ETFA: variants seen among roughly 807,000 people sequenced by gnomAD.
ETFA encodes the protein electron transfer flavoprotein subunit alpha.
ETFA carries 22 observed loss-of-function variants against 46.2 expected under a neutral mutation model. The ratio of observed to expected loss-of-function variants is 0.48; its 90% confidence interval spans 0.34 to 0.68. The LOEUF (loss-of-function observed/expected upper bound fraction) is 0.68, where lower values mean the gene tolerates loss of function less well. ETFA is among the 30% of genes least tolerant of loss of function. The probability of loss-of-function intolerance (pLI) is 0.01; values close to 1 mark genes in which losing one functional copy is unlikely to be tolerated. For missense variants in ETFA, 345 were observed against 401.1 expected, an observed-to-expected ratio of 0.86 and a Z score of 1.19; for synonymous variants, 131 against 139.9, an observed-to-expected ratio of 0.94 and a Z score of 0.45.
intron 9 of ETFA, chr15:76,274,115 T>C: frequency 2.7e-6 from 1 of 367,858 alleles, no homozygotes; most frequent in Non-Finnish European, 5.1e-6. Context: ...AACTTATAAA[T>C]CTGAGTTGAT....
At chr15:76,238,317 A>T (rs2039148544) in intron 9 of ETFA, among the ~76,000 whole-genome samples, 1 of 152,222 alleles carries the variant, frequency 6.6e-6, no homozygotes. Context: ...CTCTTAAAAA[A>T]TCAAGTTTTA....
chr15:76,311,264 G>A (rs1019910453), intron 1 of ETFA, 86 bp downstream of exon 1: 4 of 1,455,562 alleles, frequency 2.7e-6, no homozygotes, highest in Non-Finnish European at 2.8e-6. Flanking sequence ...CGAATCTGAG[G>A]GGGCCAGTGA....
chr15:76,308,304 C>T (rs917430410), intron 1 of ETFA, among the ~76,000 whole-genome samples: 2 of 152,150 alleles, frequency 1.3e-5, no homozygotes, highest in Non-Finnish European at 1.5e-5. Context: ...CACATAGTCT[C>T]AATGAATCGC....
In ETFA at chr15:76,311,413, G is replaced by T. The variant is rs374761612; in HGVS notation, c.-25C>A. The T allele has an allele frequency of 2.6e-6, 4 of 1,553,556 alleles. No individual in the cohort carries two copies. The East Asian group carries it at 7.2e-5, about 28-fold the overall frequency. ...TGGTCTCCGCTTCCGCCGCAACCTCGGCCTTACAGCAGCCCCGTGCCCGGC... is the reference window on the plus strand; with the variant it reads ...TGGTCTCCGCTTCCGCCGCAACCTCTGCCTTACAGCAGCCCCGTGCCCGGC... On this transcript the variant is annotated 5_prime_UTR_variant, in exon 1 of 12. Transcript: ENST00000557943.
intron 8 of ETFA, among the ~76,000 whole-genome samples, chr15:76,278,178 C>T (rs1197733660): frequency 1.3e-5 from 2 of 152,140 alleles, no homozygotes; most frequent in Non-Finnish European, 2.9e-5. Flanking sequence ...AGTGAGCTTG[C>T]CCACCACCCT....
intron 1 of ETFA, among the ~76,000 whole-genome samples, chr15:76,298,162 C>T (rs745836740): frequency 6.6e-6 from 1 of 152,044 alleles, no homozygotes; most frequent in Non-Finnish European, 1.5e-5. Context: ...CCTGCCTCAG[C>T]CTGCCAGGTA....
intron 9 of ETFA, among the ~76,000 whole-genome samples, chr15:76,235,526 T>C (rs1277358898): frequency 6.6e-6 from 1 of 152,238 alleles, no homozygotes; most frequent in Non-Finnish European, 1.5e-5. Flanking sequence ...ACTGTCTAAG[T>C]GTACCATAAT....
At chr15:76,247,675 T>C (rs1467570248) in intron 9 of ETFA, among the ~76,000 whole-genome samples, 2 of 152,230 alleles carry the variant, frequency 1.3e-5, no homozygotes, top group African/African-American at 4.8e-5. Context: ...TATTTTCTCA[T>C]TGCTTATTTA....
In ETFA at chr15:76,311,269, CA is replaced by C. The variant is rs3215142; in HGVS notation, c.39+80del. The stretch of plus-strand genomic sequence containing the variant: ...GAGGGCTGGTCGAATCTGAGGGGGC[CA>C]GTGATCTTTGCAAGACCCCATAGGG... On this transcript the variant is annotated intron_variant, in intron 1 of 11. Transcript: ENST00000557943. 0.25 allele frequency: 366,651 copies of C among 1,478,946 alleles called. 48,301 individuals carry two copies. Among genetic ancestry groups the C allele is most frequent in the East Asian group, 0.49 (19,873 of 40,444 alleles). The allele number at this position is 1,478,946 out of a possible 1,614,324, so 91.6% of individuals were successfully genotyped here. A position where few individuals can be genotyped will look rare whatever the true frequency, so the allele number is the denominator to read the frequency against.
At chr15:76,302,320 C>G (rs1358844913) in intron 1 of ETFA, among the ~76,000 whole-genome samples, 1 of 151,690 alleles carries the variant, frequency 6.6e-6, no homozygotes, top group Admixed American at 6.6e-5. Context: ...ACAATGGAAT[C>G]TTATTCAGCA....
At chr15:76,263,077 A>T (rs1229780160) in intron 9 of ETFA, among the ~76,000 whole-genome samples, 2 of 152,178 alleles carry the variant, frequency 1.3e-5, no homozygotes, top group Non-Finnish European at 2.9e-5. Flanking sequence ...TTCAAAGAAA[A>T]TGCTACACCA....
At chr15:76,275,831 C>A (rs2039585148) in intron 8 of ETFA, among the ~76,000 whole-genome samples, 1 of 152,198 alleles carries the variant, frequency 6.6e-6, no homozygotes, top group South Asian at 2.1e-4. Context: ...TAACACTTTA[C>A]TACTTCACAG....
intron 8 of ETFA, among the ~76,000 whole-genome samples, chr15:76,278,541 G>C (rs1346729315): frequency 6.6e-6 from 1 of 152,078 alleles, no homozygotes; most frequent in Non-Finnish European, 1.5e-5. Context: ...AGCATTACTG[G>C]AGAAAACATC....
intron 1 of ETFA, among the ~76,000 whole-genome samples, chr15:76,300,509 A>G (rs1299857180): frequency 2.6e-5 from 4 of 152,162 alleles, no homozygotes; most frequent in Non-Finnish European, 5.9e-5. Flanking sequence ...GTCAATGCCA[A>G]TATCCTAGTG....
chr15:76,223,659 C>A (rs1229935766), intron 11 of ETFA, among the ~76,000 whole-genome samples: 1 of 152,192 alleles, frequency 6.6e-6, no homozygotes, highest in Non-Finnish European at 1.5e-5. Flanking sequence ...CCAAAAGGAG[C>A]CTGAGAACCT....
intron 9 of ETFA, among the ~76,000 whole-genome samples, chr15:76,258,597 C>T (rs2469545): frequency 0.98 from 149,097 of 152,338 alleles, 73,043 homozygotes; most frequent in Middle Eastern, 1. Context: ...TGGAGGCAGC[C>T]CAATGCATGC....
rs187492019 is a variant in ETFA at position 76,220,784 on chromosome 15, T to C, written c.964-4187A>G. ...ATCAAAACCACAATGAGATACCACC[T>C]CACACTCATTAGAAGGGCTATATTT... On this transcript the variant is annotated intron_variant, in intron 11 of 11. Coordinates refer to ENST00000557943, the MANE Select transcript of ETFA (RefSeq NM_000126.4). 4.5e-4 allele frequency among the ~76,000 whole-genome samples: 68 copies of C among 152,274 alleles called. No individual in the cohort carries two copies. In the East Asian group the frequency reaches 0.013, roughly 28 times the overall value.
chr15:76,281,461 TG>T (rs2039650678), intron 8 of ETFA, among the ~76,000 whole-genome samples: 1 of 151,702 alleles, frequency 6.6e-6, no homozygotes. Context: ...AGTCTCGCCC[TG>T]TTGCCCAGGC....
Position 76,286,394 on chromosome 15 carries a change from C to G in ETFA, c.539G>C (p.Gly180Ala). Residue 180 changes from glycine to alanine, a missense_variant, in exon 6 of 12, where the codon GGC becomes GCC. By Grantham distance (60) the Gly-to-Ala change is moderately conservative. Coordinates refer to ENST00000557943, the MANE Select transcript of ETFA (RefSeq NM_000126.4). ...GTSFDAAATS[G>A]GSASSEKASS... ...ACCCTTTTCTGAACTGGCACTACCGCCACTTGTTGCTGCAGCATCAAAGGA... is the reference window on the plus strand; with the variant it reads ...ACCCTTTTCTGAACTGGCACTACCGGCACTTGTTGCTGCAGCATCAAAGGA... 6.2e-7 allele frequency: 1 copy of G among 1,612,396 alleles called. No individual in the cohort carries two copies. The highest frequency in any genetic ancestry group is 8.5e-7 in the Non-Finnish European group (1 of 1,178,436).
Sources: allele counts gnomAD v4.1 joint callset (sites outside exome capture counted in the v4.1 genomes callset), GRCh38; gene constraint gnomAD v4.1.1; transcripts MANE v1.5; gene names NCBI Gene and HGNC (gene_info 2026-07-23, HGNC 2026-07-21).